Variants in HEPH observed in about 807,000 individuals in gnomAD.
HEPH encodes the protein hephaestin.
A neutral mutation model predicts 80.8 loss-of-function variants in HEPH; 69 were observed. The ratio of observed to expected loss-of-function variants is 0.85; its 90% CI spans 0.70 to 1.04. HEPH has a LOEUF of 1.04. HEPH is among the 50% of genes least tolerant of loss of function. The pLI, the probability that HEPH is intolerant of heterozygous loss-of-function variation, is 0.00. For missense variants in HEPH, 1,115 were observed against 891.3 expected (o/e 1.25, Z -3.20); for synonymous variants, 431 against 322.8 (o/e 1.34, Z -3.60).
chrX:66,241,845 AC>A (rs911987214), intron 15 of HEPH, among the ~76,000 whole-genome samples: 2 of 111,179 alleles, frequency 1.8e-5, no homozygotes, highest in African/African-American at 6.5e-5. Flanking sequence ...ATTACAAAAC[AC>A]CACTCAAAGA....
At chrX:66,201,350 C>T (rs1382859169) in intron 12 of HEPH, among the ~76,000 whole-genome samples, 1 of 110,497 alleles carries the variant, frequency 9.1e-6, no homozygotes, top group Non-Finnish European at 1.9e-5. Flanking sequence ...GGTCTAATTA[C>T]TTCCCTTCTC....
intron 15 of HEPH, among the ~76,000 whole-genome samples, chrX:66,244,319 T>C (rs1394770745): frequency 4.5e-5 from 5 of 111,955 alleles, no homozygotes; most frequent in Non-Finnish European, 9.4e-5. Flanking sequence ...GTCATAGATT[T>C]GGTATCTTTA....
At chrX:66,166,597 T>C (rs2086377310) in intron 1 of HEPH, among the ~76,000 whole-genome samples, 1 of 111,813 alleles carries the variant, frequency 8.9e-6, no homozygotes, top group African/African-American at 3.3e-5. Flanking sequence ...CAATGACAAA[T>C]TCAAATTTGA....
chrX:66,175,064 T>C (rs1205610495), intron 4 of HEPH, among the ~76,000 whole-genome samples: 2 of 111,955 alleles, frequency 1.8e-5, no homozygotes, highest in Non-Finnish European at 3.8e-5. Context: ...GCCTTTGGGT[T>C]CTTGGTCATG....
chrX:66,246,960 C>T (rs1387124718), intron 15 of HEPH, among the ~76,000 whole-genome samples: 2 of 111,960 alleles, frequency 1.8e-5, no homozygotes, highest in African/African-American at 3.2e-5. Flanking sequence ...TCTTTATTGA[C>T]GAGTATTTTT....
In HEPH at chrX:66,248,204, C is replaced by T. The variant is rs749610155; in HGVS notation, c.2564-6831C>T. On this transcript the variant is annotated intron_variant, in intron 15 of 20. Transcript: ENST00000343002. ...TAGTACCACCTCATTCCTGGTTTCA[C>T]TTTCTATGCTTTCAATTATTCATGT... Among the ~76,000 whole-genome samples, 46 of 111,745 alleles carry T rather than the reference C, an allele frequency of 4.1e-4. 1 individual carries two copies. The highest frequency in any genetic ancestry group is 1.5e-3 in the African/African-American group (46 of 30,783).
At chrX:66,263,448 A>G (rs1229673771) in intron 19 of HEPH, among the ~76,000 whole-genome samples, 196 bp from the exon 20 acceptor site, 2 of 112,108 alleles carry the variant, frequency 1.8e-5, no homozygotes, top group Non-Finnish European at 3.8e-5. Context: ...TCTCTTGCCC[A>G]TATTTCATGT....
rs193174928 is a variant in HEPH, at chrX:66,266,939, T to C, written c.*267T>C. ...TACATCGCAAATTTCAACAGCTACA[T>C]TATATTTCCTTCTGACACTTGGAAG... is the stretch of plus-strand genomic sequence containing the variant. On this transcript the variant is annotated 3_prime_UTR_variant, in exon 21 of 21. Coordinates refer to ENST00000343002, the MANE Select transcript of HEPH (RefSeq NM_001367233.3). 3.3e-6 allele frequency: 1 copy of C among 299,391 alleles called. No individual in the cohort carries two copies. The highest frequency in any genetic ancestry group is 5.4e-5 in the East Asian group (1 of 18,575). 24.7% of individuals were successfully genotyped at this position (299,391 alleles called of 1,213,427 possible).
chrX:66,234,173 G>T (rs1009592419), intron 15 of HEPH, among the ~76,000 whole-genome samples: 2 of 110,779 alleles, frequency 1.8e-5, no homozygotes, highest in Non-Finnish European at 3.8e-5. Flanking sequence ...TTGGTTTTCT[G>T]TTCCTGCATT....
At chrX:66,199,616 A>T (rs887189981) in intron 11 of HEPH, among the ~76,000 whole-genome samples, 1 of 112,091 alleles carries the variant, frequency 8.9e-6, no homozygotes, top group Admixed American at 9.5e-5. Context: ...AAAAAAAATG[A>T]TATGCTTCCT....
intron 2 of HEPH, 123 bp from the exon 3 acceptor site, chrX:66,172,232 C>A: frequency 6.6e-6 from 4 of 604,340 alleles, no homozygotes; most frequent in South Asian, 3.8e-5. Flanking sequence ...CAGTACAATG[C>A]CATTTCCTCT....
rs144432878 is a variant in HEPH at position 66,263,127 on chromosome X, A to C, written c.3200-517A>C. Among the ~76,000 whole-genome samples, 416 of 111,720 alleles carry C rather than the reference A, an allele frequency of 3.7e-3. 4 individuals carry two copies. Among genetic ancestry groups the C allele is most frequent in the African/African-American group, 0.013 (395 of 30,782 alleles). On this transcript the variant is annotated intron_variant, in intron 19 of 20. Transcript: ENST00000343002. ...CAAGAAATGATTGTAGTTCTAGCCAAATAATATGAGCCTCAAAAGAGATAT... is the reference window on the plus strand; with the variant it reads ...CAAGAAATGATTGTAGTTCTAGCCACATAATATGAGCCTCAAAAGAGATAT...
In HEPH at chrX:66,189,678, T is replaced by C; in HGVS notation, c.809-6T>C. ...CCTGATATTTTCTTTGGGTTTTCTT[T>C]TGCAGCAATCAATGGCTTTGTTTTT... On this transcript the variant is annotated splice_region_variant and splice_polypyrimidine_tract_variant and intron_variant, in intron 5 of 20. Transcript: ENST00000343002. 8.3e-7 allele frequency: 1 copy of C among 1,204,781 alleles called. No homozygotes were observed. Among genetic ancestry groups the C allele is most frequent in the Non-Finnish European group, 1.1e-6 (1 of 890,170 alleles).
chrX:66,163,535 C>A (rs772431691), upstream of HEPH, among the ~76,000 whole-genome samples: 1 of 110,655 alleles, frequency 9.0e-6, no homozygotes, highest in East Asian at 2.8e-4. Context: ...ATGACGGAGG[C>A]AAAGTTAATG....
chrX:66,204,645 A>G (rs1402464708), intron 13 of HEPH, among the ~76,000 whole-genome samples: 1 of 111,935 alleles, frequency 8.9e-6, no homozygotes, highest in African/African-American at 3.2e-5. Context: ...AAAGGAAAAT[A>G]TGTTACTAAT....
chrX:66,242,398 C>T (rs1464820982), intron 15 of HEPH, among the ~76,000 whole-genome samples: 2 of 111,504 alleles, frequency 1.8e-5, no homozygotes, highest in Non-Finnish European at 3.8e-5. Flanking sequence ...AATGTAAAAC[C>T]TAAAACTATA....
rs777395620 is a variant in HEPH at position 66,188,337 on chromosome X, G to A, written c.626-22G>A. ...TGCTAAGGAAAGGATCTTCTCAAGGGAAACTGTCTTACTTGCCCTAGGAGC... is the reference window on the plus strand; with the variant it reads ...TGCTAAGGAAAGGATCTTCTCAAGGAAAACTGTCTTACTTGCCCTAGGAGC... On this transcript the variant is annotated intron_variant, in intron 4 of 20. Coordinates refer to ENST00000343002, the MANE Select transcript of HEPH (RefSeq NM_001367233.3). The A allele has an allele frequency of 1.8e-5, 21 of 1,144,092 alleles. No homozygotes were observed. The Admixed American group carries it at 5.6e-4, about 30-fold the overall frequency. 94.3% of individuals were successfully genotyped at this position (1,144,092 alleles called of 1,213,427 possible). A position where few individuals can be genotyped will look rare whatever the true frequency, so the allele number is the denominator to read the frequency against.
chrX:66,247,250 A>G (rs2090847172), intron 15 of HEPH, among the ~76,000 whole-genome samples: 1 of 109,479 alleles, frequency 9.1e-6, no homozygotes, highest in South Asian at 4.0e-4. Context: ...ATTGTTTCAG[A>G]TGTTTTTTCT....
chrX:66,263,588 T>C lies in HEPH; in HGVS notation c.3200-56T>C, dbSNP rs142522628. 878 of 1,168,053 alleles carry C rather than the reference T, an allele frequency of 7.5e-4. 8 individuals are homozygous for C. In the African/African-American group the frequency reaches 0.013, roughly 17 times the overall value. ...ATGTTGACCTTTCATAGGGGGCCTA[T>C]GGATTGGTAGGAAGAACAATAAGGC... is the stretch of plus-strand genomic sequence containing the variant. On this transcript the variant is annotated intron_variant, in intron 19 of 20. Coordinates refer to ENST00000343002, the MANE Select transcript of HEPH (RefSeq NM_001367233.3).
Sources: gnomAD v4.1 joint callset for allele counts (sites outside exome capture counted in the v4.1 genomes callset) on GRCh38, gnomAD v4.1.1 for gene constraint, MANE v1.5 for transcripts, NCBI Gene and HGNC (gene_info 2026-07-23, HGNC 2026-07-21) for gene names.